PARP4: variants seen among roughly 807,000 people sequenced by gnomAD.
PARP4 encodes the protein poly(ADP-ribose) polymerase family member 4.
A neutral mutation model predicts 187.7 loss-of-function variants in PARP4; 120 were observed. That is an observed-to-expected ratio of 0.64 (90% confidence interval 0.55 to 0.74). The LOEUF (loss-of-function observed/expected upper bound fraction) is 0.74, where lower values mean the gene tolerates loss of function less well. Among genes scored for constraint, PARP4 ranks in the 30% least tolerant of loss-of-function variants. The probability of loss-of-function intolerance (pLI) is 0.00; values close to 1 mark genes in which losing one functional copy is unlikely to be tolerated. For synonymous variants in PARP4, 654 were observed against 740.9 expected, an observed-to-expected ratio of 0.88 and a Z score of 1.90; for missense variants, 1,836 against 2,070.5, an observed-to-expected ratio of 0.89 and a Z score of 2.20.
intron 30 of PARP4, among the ~76,000 whole-genome samples, chr13:24,437,594 T>G (rs981895349): frequency 3.6e-5 from 2 of 55,744 alleles, no homozygotes; most frequent in African/African-American, 8.3e-5. Context: ...TACATAGGGC[T>G]GTAAGAATAT....
intron 14 of PARP4, among the ~76,000 whole-genome samples, chr13:24,476,503 C>A (rs889784218): frequency 6.6e-6 from 1 of 152,114 alleles, no homozygotes; most frequent in African/African-American, 2.4e-5. Flanking sequence ...GATTTTCAAT[C>A]CAAGGAAGAC....
chr13:24,491,665 G>A (rs1241759464), intron 9 of PARP4, among the ~76,000 whole-genome samples: 4 of 152,208 alleles, frequency 2.6e-5, no homozygotes, highest in African/African-American at 9.6e-5. Flanking sequence ...GACCAAGAGA[G>A]TGACTTCAGC....
intron 1 of PARP4, among the ~76,000 whole-genome samples, chr13:24,511,063 C>A (rs1256622135): frequency 6.6e-6 from 1 of 152,202 alleles, no homozygotes; most frequent in Non-Finnish European, 1.5e-5. Context: ...GCTGGGGTTA[C>A]AGGTGTGAGC....
chr13:24,452,605 G>A lies in PARP4; in HGVS notation c.2827-12C>T, dbSNP rs2137470734. 6.2e-7 allele frequency: 1 copy of A among 1,603,624 alleles called. No homozygotes were observed. The highest frequency in any genetic ancestry group is 8.5e-7 in the Non-Finnish European group (1 of 1,173,636). On this transcript the variant is annotated splice_polypyrimidine_tract_variant and intron_variant, in intron 23 of 33. Coordinates refer to ENST00000381989, the MANE Select transcript of PARP4 (RefSeq NM_006437.4). ...GTAGGTGTGGCAGACTGGAGGAAAT[G>A]AAGTGAAAGATTATGTTCTCCTTGT...
intron 21 of PARP4, among the ~76,000 whole-genome samples, chr13:24,455,504 T>C (rs200616855): frequency 6.6e-5 from 9 of 136,494 alleles, no homozygotes; most frequent in Non-Finnish European, 1.1e-4. Flanking sequence ...TATATATATA[T>C]ATCACACTAT....
At chr13:24,425,605 C>CTATATATATA (rs113002264) in intron 33 of PARP4, among the ~76,000 whole-genome samples, 25 of 146,990 alleles carry the variant, frequency 1.7e-4, no homozygotes, top group African/African-American at 5.7e-4. Context: ...ATATCTATAT[C>CTATATATATA]TATATATCTC....
At chr13:24,510,396 T>A (rs1220389271) in intron 1 of PARP4, among the ~76,000 whole-genome samples, 6 of 151,672 alleles carry the variant, frequency 4.0e-5, no homozygotes. Context: ...CTACTAAAAA[T>A]ACAAAAAATT....
At chr13:24,485,182 G>C (rs1418664188) in intron 11 of PARP4, among the ~76,000 whole-genome samples, 1 of 152,074 alleles carries the variant, frequency 6.6e-6, no homozygotes, top group Non-Finnish European at 1.5e-5. Context: ...TCTATAGATA[G>C]TATTGAAGAA....
chr13:24,457,333 C>A (rs1871913663), intron 20 of PARP4, among the ~76,000 whole-genome samples: 1 of 152,188 alleles, frequency 6.6e-6, no homozygotes, highest in Admixed American at 6.5e-5. Flanking sequence ...GTTCCTCCTG[C>A]CACGAGGCAG....
At chr13:24,442,523 A>G in intron 29 of PARP4, 67 bp downstream of exon 29, 1 of 1,111,182 alleles carries the variant, frequency 9.0e-7, no homozygotes, top group Non-Finnish European at 1.4e-6. Context: ...CATCAAAGCA[A>G]GGGTGACTTT....
chr13:24,435,221 G>A lies in PARP4; in HGVS notation c.3920C>T (p.Pro1307Leu). The A allele has an allele frequency of 6.2e-7, 1 of 1,614,142 alleles. No individual in the cohort carries two copies. Among genetic ancestry groups the A allele is most frequent in the Non-Finnish European group, 8.5e-7 (1 of 1,180,016 alleles). ...AAAGCTAGAAGTAGATGTTTCCCAT[G>A]GACTGACTTTCTTAAATAGTGGTTC... ...ATEPLFKKVSPWETSTSSFFP... is the reference protein window; with the variant it reads ...ATEPLFKKVSLWETSTSSFFP... Residue 1307 changes from proline to leucine, a missense_variant, in exon 31 of 34, where the codon CCA (proline) becomes CTA (leucine). By Grantham distance (98) the Pro-to-Leu change is moderately conservative. Transcript: ENST00000381989.
In PARP4 at chr13:24,478,171, A is replaced by C. The variant is rs202186413; in HGVS notation, c.1554T>G (p.Phe518Leu). Residue 518 changes from phenylalanine (F) to leucine (L), a missense_variant, in exon 13 of 34, where the codon TTT (phenylalanine) becomes TTG (leucine). Around this residue, in one of 8 missense-constraint regions of PARP4, gnomAD observed 1,147 missense variants for 1,214.2 expected, o/e 0.94. Transcript: ENST00000381989. ...GKCMDLHEKD[F>L]SLTEAPPGYD... ...AGCCTGGTGGTGCTTCAGTTAAGGA[A>C]AAGTCCTTCTCATGTAAGTCCATAC... The C allele has an allele frequency of 2.4e-5, 39 of 1,613,836 alleles. No individual in the cohort carries two copies. Among genetic ancestry groups the C allele is most frequent in the Non-Finnish European group, 3.3e-5 (39 of 1,179,882 alleles).
chr13:24,427,370 C>CTTTT (rs35815244), intron 32 of PARP4, among the ~76,000 whole-genome samples: 3 of 133,582 alleles, frequency 2.2e-5, no homozygotes, highest in Admixed American at 7.9e-5. Context: ...ATCCAAGCTT[C>CTTTT]TTTTTTTTTT....
At chr13:24,471,472 A>G (rs141587224) in intron 15 of PARP4, among the ~76,000 whole-genome samples, 1 of 152,196 alleles carries the variant, frequency 6.6e-6, no homozygotes, top group Non-Finnish European at 1.5e-5. Flanking sequence ...AACAGAAACT[A>G]ATACAATGTA....
chr13:24,498,967 T>C (rs1869117237), intron 5 of PARP4, among the ~76,000 whole-genome samples: 1 of 152,126 alleles, frequency 6.6e-6, no homozygotes, highest in South Asian at 2.1e-4. Context: ...CACTAAAAAT[T>C]TAAACTTTAA....
At chr13:24,493,792 CT>C in intron 7 of PARP4, 59 bp from the exon 8 acceptor site, 1 of 1,536,836 alleles carries the variant, frequency 6.5e-7, no homozygotes, top group Non-Finnish European at 9.0e-7. Flanking sequence ...TTGTGTAAAA[CT>C]TACATGGGCC....
In PARP4 at chr13:24,437,954, C is replaced by T. The variant is rs141440369; in HGVS notation, c.3667-2480G>A. On this transcript the variant is annotated intron_variant, in intron 30 of 33. Coordinates refer to ENST00000381989, the MANE Select transcript of PARP4 (RefSeq NM_006437.4). The stretch of plus-strand genomic sequence containing the variant: ...GTATTTTTTAGTAGAGACAGGGTTT[C>T]ACCATGTTGGCCAGGCTGGTCTTGA... Among the ~76,000 whole-genome samples the T allele has an allele frequency of 1.4e-3, 206 of 152,162 alleles. 1 individual carries two copies. Among genetic ancestry groups the T allele is most frequent in the African/African-American group, 4.7e-3 (197 of 41,514 alleles).
At chr13:24,470,505 G>A (rs1391723404) in intron 15 of PARP4, among the ~76,000 whole-genome samples, 1 of 151,912 alleles carries the variant, frequency 6.6e-6, no homozygotes, top group Admixed American at 6.6e-5. Flanking sequence ...GTGTGCGTTG[G>A]TTCTTCCAGA....
chr13:24,477,512 CAG>C (rs1199150254), intron 14 of PARP4, among the ~76,000 whole-genome samples, 187 bp downstream of exon 14: 3 of 151,932 alleles, frequency 2.0e-5, no homozygotes, highest in Non-Finnish European at 4.4e-5. Flanking sequence ...TGATACTAGG[CAG>C]AGGGGTTTGA....
Sources: allele counts gnomAD v4.1 joint callset (sites outside exome capture counted in the v4.1 genomes callset), GRCh38; gene constraint gnomAD v4.1.1; regional missense constraint gnomAD v4.1.1; transcripts MANE v1.5; gene names NCBI Gene and HGNC (gene_info 2026-07-23, HGNC 2026-07-21).